Variants in MYOM1 observed in about 807,000 individuals in gnomAD.
The protein encoded by MYOM1 is myomesin-1.
MYOM1 carries 164 observed loss-of-function variants against 205.3 expected under a neutral mutation model. The observed-to-expected ratio is 0.80, with a 90% CI of 0.70 to 0.91. The LOEUF (loss-of-function observed/expected upper bound fraction) is 0.91. MYOM1 is among the 40% of genes least tolerant of loss of function. MYOM1 has a pLI of 0.00. For missense variants in MYOM1, 2,011 were observed against 2,127.3 expected (o/e 0.95, Z 1.08); for synonymous variants, 772 against 789.4 (o/e 0.98, Z 0.37).
rs2080861246 is a variant in MYOM1 at position 3,188,837 on chromosome 18, A to T, written c.682T>A (p.Ser228Thr). 1 of 1,613,376 alleles carries T rather than the reference A, an allele frequency of 6.2e-7. No homozygotes were observed. Among genetic ancestry groups the T allele is most frequent in the East Asian group, 2.2e-5 (1 of 44,822 alleles). Residue 228 changes from serine (S) to threonine (T), a missense_variant, in exon 4 of 38, where the codon TCC (serine) becomes ACC (threonine). Physicochemically the swap from Ser to Thr is moderately conservative, Grantham distance 58. Coordinates refer to ENST00000356443, the MANE Select transcript of MYOM1 (RefSeq NM_003803.4). ...GAAGTTTCTTCCTGTTGAAGAGCGG[A>T]TGTGGCCTGTTTGGAAACCACAGAC... ...RQSVVSKQAT[S>T]ALQQEETSEK...
At position 3,152,250 on chromosome 18, in the gene MYOM1, A is replaced by G. The variant is rs2080233256; in HGVS notation, c.1644-357T>C. On this transcript the variant is annotated intron_variant, in intron 11 of 37. Coordinates refer to ENST00000356443, the MANE Select transcript of MYOM1 (RefSeq NM_003803.4). This position sits in a 1 kb window ranked among gnomAD's most constrained non-coding sequence, Gnocchi z 4.3. Reference sequence around the variant, plus strand: ...AACATCTCCCCGGCTGATGCCTTCAATTCTACCATTAGTGACTTCTTTGTC... The same window carrying G: ...AACATCTCCCCGGCTGATGCCTTCAGTTCTACCATTAGTGACTTCTTTGTC... Among the ~76,000 whole-genome samples the G allele has an allele frequency of 6.6e-6, 1 of 152,226 alleles. No homozygotes were observed. The highest frequency in any genetic ancestry group is 2.4e-5 in the African/African-American group (1 of 41,454).
At chr18:3,120,098 C>CCA in intron 19 of MYOM1, 103 bp from the exon 20 acceptor site, 1 of 1,435,012 alleles carries the variant, frequency 7.0e-7, no homozygotes, top group Non-Finnish European at 9.2e-7. Context: ...CAGACACACC[C>CCA]TAGGGTGACC....
At position 3,134,773 on chromosome 18, in the gene MYOM1, G is replaced by A. The variant is rs751348038; in HGVS notation, c.2261C>T (p.Ser754Leu). ...GGACTCCTCCCACGAAACTACCACTGAGGTGTCTGTGTTTCTGCTTGGGAT... is the reference window on the plus strand; with the variant it reads ...GGACTCCTCCCACGAAACTACCACTAAGGTGTCTGTGTTTCTGCTTGGGAT... The part of the protein sequence containing the change: ...KIIPSRNTDT[S>L]VVVSWEESKD... The change falls in exon 16 of 38, where the codon TCA becomes TTA. Residue 754 changes from serine (S) to leucine (L), a missense_variant. By Grantham distance (145) the Ser-to-Leu change is moderately radical. Coordinates refer to ENST00000356443, the MANE Select transcript of MYOM1 (RefSeq NM_003803.4). 3 of 1,613,968 alleles carry A rather than the reference G, an allele frequency of 1.9e-6. No homozygotes were observed. The highest frequency in any genetic ancestry group is 2.2e-5 in the East Asian group (1 of 44,884).
chr18:3,131,754 T>C (rs2079878894), intron 16 of MYOM1, among the ~76,000 whole-genome samples: 1 of 151,998 alleles, frequency 6.6e-6, no homozygotes, highest in South Asian at 2.1e-4. Context: ...TAATAATTCA[T>C]TTTTTAAAGG....
chr18:3,148,905 G>A (rs964666970), intron 13 of MYOM1, among the ~76,000 whole-genome samples: 4 of 140,530 alleles, frequency 2.8e-5, no homozygotes, highest in African/African-American at 1.0e-4. Flanking sequence ...GTATATACAT[G>A]TGTAAAATTT....
rs1297591889 is a variant in MYOM1 at position 3,168,992 on chromosome 18, A to G, written c.1175-11T>C. On this transcript the variant is annotated splice_polypyrimidine_tract_variant and intron_variant, in intron 8 of 37. Transcript: ENST00000356443. ...ATGGGGTCACACCAACTGGGTACAA[A>G]AATAACAAATATCAGTAATTTTTTT... 1 of 1,602,176 alleles carries G rather than the reference A, an allele frequency of 6.2e-7. No homozygotes were observed. The highest frequency in any genetic ancestry group is 8.5e-7 in the Non-Finnish European group (1 of 1,174,410).
chr18:3,132,669 T>A (rs565439041), intron 16 of MYOM1, among the ~76,000 whole-genome samples: 23 of 152,206 alleles, frequency 1.5e-4, no homozygotes, highest in Admixed American at 3.9e-4. Context: ...CTAGTCACTG[T>A]CTCGCTGCAT....
rs1598671929 is a variant in MYOM1, at chr18:3,102,623, T to C, written c.3426A>G (p.Lys1142=). 2 of 1,612,800 alleles carry C rather than the reference T, an allele frequency of 1.2e-6. No individual in the cohort carries two copies. The highest frequency in any genetic ancestry group is 1.7e-6 in the Non-Finnish European group (2 of 1,179,448). The stretch of plus-strand genomic sequence containing the variant: ...CATCATCCACATTTACAACAACCTC[T>C]TTGGTTCCTACAAGATCAAAAAGAA... ...PVVAETRPGT[K]EVVVNVDDDG... Residue 1142 remains lysine (K), a synonymous_variant, in exon 23 of 38, where the codon AAA becomes AAG. Coordinates refer to ENST00000356443, the MANE Select transcript of MYOM1 (RefSeq NM_003803.4).
intron 29 of MYOM1, among the ~76,000 whole-genome samples, chr18:3,087,488 C>CT (rs5822735): frequency 0.028 from 3,417 of 122,658 alleles, 168 homozygotes; most frequent in African/African-American, 0.087. Context: ...CTCCTACGTT[C>CT]TTTTTTTTTT....
chr18:3,184,462 C>T (rs1290197583), intron 5 of MYOM1, among the ~76,000 whole-genome samples: 4 of 152,220 alleles, frequency 2.6e-5, no homozygotes, highest in Non-Finnish European at 5.9e-5. Flanking sequence ...CATTTCCAGT[C>T]ATCAGTTATC....
intron 17 of MYOM1, among the ~76,000 whole-genome samples, chr18:3,129,990 A>C (rs965863909): frequency 1.3e-5 from 2 of 152,096 alleles, no homozygotes; most frequent in African/African-American, 2.4e-5. Context: ...CTCAACCTCA[A>C]AGAGACATGT....
chr18:3,089,525 G>A lies in MYOM1; in HGVS notation c.4069+12C>T, dbSNP rs929128753. ...ATTAAAAATTTTCTCTTTATCCACG[G>A]CCTATTTTTACCTTGTTTCCTGATC... On this transcript the variant is annotated intron_variant, in intron 28 of 37. Coordinates refer to ENST00000356443, the MANE Select transcript of MYOM1 (RefSeq NM_003803.4). The A allele has an allele frequency of 6.3e-7, 1 of 1,599,742 alleles. No individual in the cohort carries two copies.
Position 3,193,876 on chromosome 18 carries a change from A to T in MYOM1, c.373T>A (p.Ser125Thr). 6.2e-7 allele frequency: 1 copy of T among 1,613,948 alleles called. No individual in the cohort carries two copies. ...GGCAAATTTTCTTTCTCTTCTCCAGACAGTAGGCTGTGCTTGGCTCTCTTT... is the reference window on the plus strand; with the variant it reads ...GGCAAATTTTCTTTCTCTTCTCCAGTCAGTAGGCTGTGCTTGGCTCTCTTT... ...KPKRAKHSLLSGEEKENLPSD... is the reference protein window; with the variant it reads ...KPKRAKHSLLTGEEKENLPSD... Residue 125 changes from serine (S) to threonine (T), a missense_variant, in exon 3 of 38, where the codon TCT becomes ACT. Transcript: ENST00000356443.
At chr18:3,082,460 A>T (rs1432731481) in intron 33 of MYOM1, among the ~76,000 whole-genome samples, 1 of 152,206 alleles carries the variant, frequency 6.6e-6, no homozygotes, top group Non-Finnish European at 1.5e-5. Context: ...AAATGAATTC[A>T]CATATGTAAA....
chr18:3,191,010 C>T (rs182561613), intron 3 of MYOM1, among the ~76,000 whole-genome samples: 91 of 152,242 alleles, frequency 6.0e-4, no homozygotes, highest in African/African-American at 1.8e-3. Flanking sequence ...GAGAACTCAA[C>T]TACAGTTAAA....
chr18:3,115,565 T>G (rs2079592443), intron 21 of MYOM1, among the ~76,000 whole-genome samples: 1 of 152,138 alleles, frequency 6.6e-6, no homozygotes, highest in African/African-American at 2.4e-5. Context: ...GTGACTGTGG[T>G]GAAGTCAGTC....
At chr18:3,178,274 C>T (rs918488218) in intron 5 of MYOM1, among the ~76,000 whole-genome samples, 7 of 152,152 alleles carry the variant, frequency 4.6e-5, no homozygotes, top group African/African-American at 1.4e-4. Flanking sequence ...TCACAACCAC[C>T]GTATGAGATA....
At chr18:3,132,237 C>T (rs1293655778) in intron 16 of MYOM1, among the ~76,000 whole-genome samples, 2 of 151,374 alleles carry the variant, frequency 1.3e-5, no homozygotes, top group African/African-American at 4.9e-5. Context: ...CTGCAACCTC[C>T]AACTCCCAGG....
Position 3,090,856 on chromosome 18 carries a change from G to A in MYOM1, c.3865-54C>T, listed in dbSNP as rs2079217052. ...AATCACTGAGGCATATATTTTACTT[G>A]GAATGACAACAAGCTTGATGAAATA... On this transcript the variant is annotated intron_variant, in intron 26 of 37. Transcript: ENST00000356443. The A allele has an allele frequency of 1.9e-6, 3 of 1,603,206 alleles. No homozygotes were observed. The African/African-American group carries it at 4.0e-5, about 22-fold the overall frequency.
Sources: allele counts gnomAD v4.1 joint callset (sites outside exome capture counted in the v4.1 genomes callset), GRCh38; gene constraint gnomAD v4.1.1; non-coding constraint Gnocchi (gnomAD v3.1); transcripts MANE v1.5; gene names NCBI Gene and HGNC (gene_info 2026-07-23, HGNC 2026-07-21).